Variants in SLC2A11 observed in about 807,000 individuals in gnomAD.
SLC2A11 encodes solute carrier family 2, facilitated glucose transporter member 11.
In SLC2A11, 43 loss-of-function variants were observed where a neutral mutation model predicts 52.1. The ratio of observed to expected loss-of-function variants is 0.82; its 90% CI spans 0.65 to 1.06. The LOEUF is 1.06. SLC2A11 is among the 50% of genes least tolerant of loss of function. The pLI is 0.00. For missense variants in SLC2A11, 582 were observed against 654.2 expected (o/e 0.89, Z 1.20); for synonymous variants, 261 against 277.6 (o/e 0.94, Z 0.59).
At chr22:23,862,563 T>G (rs969193500) in intron 2 of SLC2A11, among the ~76,000 whole-genome samples, 1 of 152,038 alleles carries the variant, frequency 6.6e-6, no homozygotes, top group African/African-American at 2.4e-5. Flanking sequence ...GCCTCCTCAC[T>G]GGCCTCCTTG....
At position 23,884,560 on chromosome 22, in the gene SLC2A11, G is replaced by A. The variant is rs1230158192; in HGVS notation, c.1300-89G>A. On this transcript the variant is annotated intron_variant, in intron 11 of 11. Transcript: ENST00000316185. This position sits in a 1 kb window ranked among gnomAD's most constrained non-coding sequence, Gnocchi z 4.3. ...GGGGTCTTAGGGGAGCAAAGAGGGG[G>A]GCAAATGCCTCCTCACGACCTGTCA... 9.1e-6 allele frequency: 14 copies of A among 1,541,116 alleles called. No homozygotes were observed. Among genetic ancestry groups the A allele is most frequent in the Middle Eastern group, 1.7e-4 (1 of 5,738 alleles).
At chr22:23,876,709 C>T (rs981305892) in intron 4 of SLC2A11, among the ~76,000 whole-genome samples, 8 of 152,020 alleles carry the variant, frequency 5.3e-5, no homozygotes, top group Non-Finnish European at 8.8e-5. Context: ...CCCACCCCCC[C>T]GCACAGCCCC....
At chr22:23,872,442 G>A (rs763977563) in intron 3 of SLC2A11, 6 of 152,176 alleles carry the variant, frequency 3.9e-5, no homozygotes, top group Non-Finnish European at 5.9e-5. Flanking sequence ...CCCTTTTAGG[G>A]TATTTTAACT....
chr22:23,861,233 C>T (rs2032047424), intron 1 of SLC2A11, among the ~76,000 whole-genome samples: 1 of 143,764 alleles, frequency 7.0e-6, no homozygotes, highest in Admixed American at 6.9e-5. Flanking sequence ...CCGCCTCGGC[C>T]TCCCAAAGTG....
At chr22:23,862,241 G>A in intron 2 of SLC2A11, 39 bp downstream of exon 2, 2 of 1,587,268 alleles carry the variant, frequency 1.3e-6, no homozygotes, top group Non-Finnish European at 1.7e-6. Context: ...CCCTGTCTGA[G>A]TGGGTACTGG....
At chr22:23,877,247 C>T in intron 5 of SLC2A11, 76 bp downstream of exon 5, 1 of 1,568,026 alleles carries the variant, frequency 6.4e-7, no homozygotes, top group South Asian at 1.2e-5. Context: ...AAATGTCTCC[C>T]CTACCCACTA....
chr22:23,875,076 G>GA (rs2032573062), intron 3 of SLC2A11, 41 bp from the exon 4 acceptor site: 1 of 1,507,124 alleles, frequency 6.6e-7, no homozygotes, highest in Non-Finnish European at 8.9e-7. Context: ...CCGCTGGACT[G>GA]AATCACAGCC....
chr22:23,885,076 G>A lies in SLC2A11; in HGVS notation c.*227G>A. Reference sequence around the variant, plus strand: ...TCAGTAACAACATAATTACAGGCTGGTTGTGGCAGCTCATGACTGTAATCC... The same window carrying A: ...TCAGTAACAACATAATTACAGGCTGATTGTGGCAGCTCATGACTGTAATCC... On this transcript the variant is annotated 3_prime_UTR_variant, in exon 12 of 12. Transcript: ENST00000316185. 1.8e-6 allele frequency: 1 copy of A among 562,750 alleles called. No individual in the cohort carries two copies. Among genetic ancestry groups the A allele is most frequent in the Admixed American group, 3.3e-5 (1 of 30,046 alleles). 34.9% of individuals were successfully genotyped at this position (562,750 alleles called of 1,614,324 possible). A position where few individuals can be genotyped will look rare whatever the true frequency, so the allele number is the denominator to read the frequency against.
At chr22:23,860,928 C>G (rs2032034520) in intron 1 of SLC2A11, among the ~76,000 whole-genome samples, 3 of 151,430 alleles carry the variant, frequency 2.0e-5, no homozygotes, top group Non-Finnish European at 3.0e-5. Flanking sequence ...TCACTGCTAG[C>G]TCCGCCTCCC....
intron 4 of SLC2A11, among the ~76,000 whole-genome samples, 174 bp from the exon 5 acceptor site, chr22:23,876,868 C>G (rs184947968): frequency 1.3e-5 from 2 of 152,212 alleles, no homozygotes; most frequent in Admixed American, 6.5e-5. Context: ...TCCTGTTGGC[C>G]CTTCATCAGG....
At chr22:23,863,198 C>A (rs2032134600) in intron 2 of SLC2A11, among the ~76,000 whole-genome samples, 1 of 152,164 alleles carries the variant, frequency 6.6e-6, no homozygotes, top group African/African-American at 2.4e-5. Flanking sequence ...GGCCCTCTCT[C>A]TTCCACCTGT....
At chr22:23,869,103 A>G (rs1047481271) in intron 3 of SLC2A11, 5 of 166,296 alleles carry the variant, frequency 3.0e-5, no homozygotes, top group Non-Finnish European at 6.6e-5. Flanking sequence ...TAATCCCAGC[A>G]TTTTGGGAGG....
At chr22:23,882,335 C>A in intron 6 of SLC2A11, 124 bp from the exon 7 acceptor site, 1 of 826,592 alleles carries the variant, frequency 1.2e-6, no homozygotes, top group Non-Finnish European at 1.8e-6. Context: ...CACACACAGA[C>A]AGACTCAGAG....
chr22:23,883,953 C>T lies in SLC2A11; in HGVS notation c.1100C>T (p.Ser367Phe), dbSNP rs1049736679. The T allele has an allele frequency of 2.5e-6, 4 of 1,612,736 alleles. No homozygotes were observed. The Admixed American group carries it at 6.7e-5, about 27-fold the overall frequency. The change falls in exon 10 of 12, where the codon TCC (serine) becomes TTC (phenylalanine). Residue 367 changes from serine (S) to phenylalanine (F), a missense_variant. Ser to Phe is a radical substitution (Grantham distance 155, BLOSUM62 -2). Coordinates refer to ENST00000316185, the MANE Select transcript of SLC2A11 (RefSeq NM_001024939.4). ...CCCCCGCCCCGTCCACGGCAGAGCT[C>T]CTTCCCCTGGACACTCTACCTGGCC... ...IFTVALCLQSSFPWTLYLAMA... is the reference protein window; with the variant it reads ...IFTVALCLQSFFPWTLYLAMA...
chr22:23,868,882 A>C, intron 3 of SLC2A11: 2 of 493,462 alleles, frequency 4.1e-6, no homozygotes, highest in Non-Finnish European at 7.2e-6. Context: ...CATGTCTGCC[A>C]ACAAGTGCTA....
Position 23,884,206 on chromosome 22 carries a change from G to T in SLC2A11, c.1172-96G>T. 6.6e-7 allele frequency: 1 copy of T among 1,511,044 alleles called. No homozygotes were observed. The highest frequency in any genetic ancestry group is 8.8e-7 in the Non-Finnish European group (1 of 1,130,076). The allele number at this position is 1,511,044 out of a possible 1,614,324, so 93.6% of individuals were successfully genotyped here. ...CACTGAGGGGCCCCCCATACAGACTGGGCCTGGGCTCCCACTCCCATGTCT... is the reference window on the plus strand; with the variant it reads ...CACTGAGGGGCCCCCCATACAGACTTGGCCTGGGCTCCCACTCCCATGTCT... On this transcript the variant is annotated intron_variant, in intron 10 of 11. Coordinates refer to ENST00000316185, the MANE Select transcript of SLC2A11 (RefSeq NM_001024939.4). The surrounding 1 kb of genome is among the most constrained non-coding windows in gnomAD (Gnocchi z 4.3).
chr22:23,870,352 C>T, intron 3 of SLC2A11: 1 of 329,524 alleles, frequency 3.0e-6, no homozygotes, highest in Non-Finnish European at 5.5e-6. Context: ...TGTAGTTCTT[C>T]CATTCAGCAG....
At chr22:23,867,694 G>A in intron 2 of SLC2A11, 1 of 470,502 alleles carries the variant, frequency 2.1e-6, no homozygotes. Context: ...AAAGGGAGAG[G>A]AGCTGAAGAT....
chr22:23,870,803 C>T (rs2032428305), intron 3 of SLC2A11: 1 of 152,000 alleles, frequency 6.6e-6, no homozygotes, highest in Admixed American at 6.6e-5. Context: ...AGTGATTTTC[C>T]TGCCTCAGCC....
Sources: allele counts gnomAD v4.1 joint callset (sites outside exome capture counted in the v4.1 genomes callset), GRCh38; gene constraint gnomAD v4.1.1; non-coding constraint Gnocchi (gnomAD v3.1); transcripts MANE v1.5; gene names NCBI Gene and HGNC (gene_info 2026-07-23, HGNC 2026-07-21).